Variants in AUTS2 observed in about 807,000 individuals in gnomAD.
AUTS2 encodes the protein autism susceptibility gene 2 protein.
A neutral mutation model predicts 112.4 loss-of-function variants in AUTS2; 17 were observed. That is an observed-to-expected ratio of 0.15 (90% CI 0.10 to 0.23). The LOEUF (loss-of-function observed/expected upper bound fraction) is 0.23, where lower values mean the gene tolerates loss of function less well. AUTS2 is among the 10% of genes least tolerant of loss of function. AUTS2 has a pLI of 1.00. For synonymous variants in AUTS2, 751 were observed against 702.7 expected, an observed-to-expected ratio of 1.07 and a Z score of -1.09; for missense variants, 1,510 against 1,701.6, an observed-to-expected ratio of 0.89 and a Z score of 1.98.
intron 4 of AUTS2, among the ~76,000 whole-genome samples, chr7:70,213,361 TAA>T (rs34904267): frequency 0.055 from 5,361 of 97,328 alleles, 133 homozygotes; most frequent in Middle Eastern, 0.11. Context: ...ACCCCCTTTC[TAA>T]AAAAAAAAAA....
At chr7:70,195,928 T>C (rs905228251) in intron 4 of AUTS2, among the ~76,000 whole-genome samples, 7 of 152,248 alleles carry the variant, frequency 4.6e-5, no homozygotes, top group Admixed American at 4.6e-4. Flanking sequence ...CTCAGAGTAA[T>C]AACGAAACAC....
chr7:69,618,724 A>G (rs1793505022), intron 1 of AUTS2, among the ~76,000 whole-genome samples: 2 of 152,338 alleles, frequency 1.3e-5, no homozygotes, highest in African/African-American at 4.8e-5. Flanking sequence ...ATGGAAAAGT[A>G]TAAAGCATAA....
intron 1 of AUTS2, among the ~76,000 whole-genome samples, chr7:69,799,991 A>G (rs1790012917): frequency 6.6e-6 from 1 of 152,220 alleles, no homozygotes; most frequent in Non-Finnish European, 1.5e-5. Context: ...GATAATCAGC[A>G]TTTACCAAAA....
intron 1 of AUTS2, among the ~76,000 whole-genome samples, chr7:69,633,751 G>A (rs1794384343): frequency 6.6e-6 from 1 of 151,900 alleles, no homozygotes; most frequent in Admixed American, 6.6e-5. Context: ...GTTTTCTTTG[G>A]AAAAATGTCT....
chr7:69,794,444 A>G (rs765524504), intron 1 of AUTS2, among the ~76,000 whole-genome samples: 2 of 152,192 alleles, frequency 1.3e-5, no homozygotes, highest in African/African-American at 4.8e-5. Flanking sequence ...TTTGCAAGTA[A>G]AAGTGTATAT....
chr7:69,940,772 C>T (rs909761533), intron 2 of AUTS2, among the ~76,000 whole-genome samples: 2 of 152,066 alleles, frequency 1.3e-5, no homozygotes, highest in Admixed American at 1.3e-4. Context: ...AGGATGGCAG[C>T]CTGGACCAAG....
At chr7:70,103,547 A>T (rs1315164190) in intron 2 of AUTS2, among the ~76,000 whole-genome samples, 1 of 152,170 alleles carries the variant, frequency 6.6e-6, no homozygotes, top group Non-Finnish European at 1.5e-5. Flanking sequence ...ATACATTAAA[A>T]TTTACTTTTC....
At chr7:70,134,494 C>T (rs374953316) in intron 3 of AUTS2, 42 bp from the exon 4 acceptor site, 2 of 1,595,722 alleles carry the variant, frequency 1.3e-6, no homozygotes, top group Non-Finnish European at 1.7e-6. Context: ...GTGTTAAAAA[C>T]CATTGCTGAT....
At chr7:70,241,378 AG>A (rs1205342605) in intron 4 of AUTS2, among the ~76,000 whole-genome samples, 1 of 152,236 alleles carries the variant, frequency 6.6e-6, no homozygotes, top group African/African-American at 2.4e-5. Context: ...CTTATCTAAG[AG>A]GAGTCAATAT....
At chr7:69,886,010 A>G (rs1284398053) in intron 1 of AUTS2, among the ~76,000 whole-genome samples, 1 of 152,184 alleles carries the variant, frequency 6.6e-6, no homozygotes, top group Admixed American at 6.6e-5. Flanking sequence ...CTGGAGGCAA[A>G]CCCTCCACTG....
At chr7:70,576,832 C>T (rs1009139503) in intron 5 of AUTS2, among the ~76,000 whole-genome samples, 5 of 152,160 alleles carry the variant, frequency 3.3e-5, no homozygotes, top group African/African-American at 1.2e-4. Context: ...TCAAATTAAG[C>T]AAAGCAGTGG....
intron 5 of AUTS2, among the ~76,000 whole-genome samples, chr7:70,642,630 A>G (rs1805900991): frequency 6.6e-6 from 1 of 152,150 alleles, no homozygotes; most frequent in Admixed American, 6.5e-5. Context: ...CCCTGTGTCC[A>G]TACTGATGAC....
intron 4 of AUTS2, among the ~76,000 whole-genome samples, chr7:70,406,774 A>G (rs1794554737): frequency 6.6e-6 from 1 of 152,222 alleles, no homozygotes; most frequent in African/African-American, 2.4e-5. Context: ...TAAAATTCTG[A>G]TGCGTTCCAG....
Position 69,930,239 on chromosome 7 carries a change from G to A in AUTS2, c.522+30741G>A, listed in dbSNP as rs868244711. Among the ~76,000 whole-genome samples the A allele has an allele frequency of 3.9e-5, 6 of 152,172 alleles. 1 individual carries two copies. The highest frequency in any genetic ancestry group is 6.8e-3 in the Middle Eastern group (2 of 294). On this transcript the variant is annotated intron_variant, in intron 2 of 18. Coordinates refer to ENST00000342771, the MANE Select transcript of AUTS2 (RefSeq NM_015570.4). Reference sequence around the variant, plus strand: ...GTTTCTTTCCCCAGCCTTGAGTAGCGTCCCCCTGCTTTCGAGCCAGTCTGT... The same window carrying A: ...GTTTCTTTCCCCAGCCTTGAGTAGCATCCCCCTGCTTTCGAGCCAGTCTGT...
At chr7:70,740,297 C>G (rs564893125) in intron 6 of AUTS2, among the ~76,000 whole-genome samples, 1 of 152,350 alleles carries the variant, frequency 6.6e-6, no homozygotes, top group Non-Finnish European at 1.5e-5. Flanking sequence ...GGACCTTACA[C>G]GTGGTGCTAT....
chr7:69,988,190 A>G (rs1377794903), intron 2 of AUTS2, among the ~76,000 whole-genome samples: 1 of 152,144 alleles, frequency 6.6e-6, no homozygotes, highest in East Asian at 1.9e-4. Flanking sequence ...ATTTAAATGT[A>G]TCATCTAACA....
intron 4 of AUTS2, among the ~76,000 whole-genome samples, chr7:70,378,071 C>A (rs1411645352): frequency 6.6e-6 from 1 of 152,104 alleles, no homozygotes; most frequent in South Asian, 2.1e-4. Flanking sequence ...CCACCGCGCC[C>A]GGCCAGCATA....
At chr7:70,698,686 G>A (rs1809274291) in intron 6 of AUTS2, 66 bp downstream of exon 6, 19 of 1,208,376 alleles carry the variant, frequency 1.6e-5, no homozygotes, top group Non-Finnish European at 2.1e-5. Flanking sequence ...CATTGCCTAG[G>A]AAGAAAGAAG....
At chr7:70,313,736 A>G (rs1276930357) in intron 4 of AUTS2, among the ~76,000 whole-genome samples, 1 of 152,206 alleles carries the variant, frequency 6.6e-6, no homozygotes, top group African/African-American at 2.4e-5. Context: ...ATGGAAAAGA[A>G]GCCTTGTAGG....
Sources: allele counts gnomAD v4.1 joint callset (sites outside exome capture counted in the v4.1 genomes callset), GRCh38; gene constraint gnomAD v4.1.1; transcripts MANE v1.5; gene names NCBI Gene and HGNC (gene_info 2026-07-23, HGNC 2026-07-21).